Variants in MMP24 observed in about 807,000 individuals in gnomAD.
MMP24 encodes matrix metalloproteinase-24.
A neutral mutation model predicts 62.8 loss-of-function variants in MMP24; 25 were observed. The ratio of observed to expected loss-of-function variants is 0.40; its 90% CI spans 0.29 to 0.56. The LOEUF (loss-of-function observed/expected upper bound fraction) is 0.56. Ranked by LOEUF, MMP24 falls within the 20% of genes least tolerant of loss-of-function variation. MMP24 has a pLI of 0.50. For synonymous variants in MMP24, 319 were observed against 350.5 expected (o/e 0.91, Z 1.00); for missense variants, 634 against 853.6 (o/e 0.74, Z 3.21).
chr20:35,239,793 C>A (rs2060480574), intron 1 of MMP24, among the ~76,000 whole-genome samples: 1 of 151,974 alleles, frequency 6.6e-6, no homozygotes, highest in African/African-American at 2.4e-5. Context: ...AGAGCGAGAC[C>A]CTGTCTCAAA....
chr20:35,244,451 G>C (rs1443053428), intron 1 of MMP24, among the ~76,000 whole-genome samples: 1 of 151,910 alleles, frequency 6.6e-6, no homozygotes, highest in Non-Finnish European at 1.5e-5. Flanking sequence ...TTTTTTGTTT[G>C]TTTTTTGAGA....
At chr20:35,230,530 C>T (rs1234003753) in intron 1 of MMP24, among the ~76,000 whole-genome samples, 2 of 152,218 alleles carry the variant, frequency 1.3e-5, no homozygotes, top group African/African-American at 4.8e-5. Context: ...CCTTCTAAAA[C>T]CCTTCTTAGA....
chr20:35,260,921 G>A (rs2060599309), intron 4 of MMP24, among the ~76,000 whole-genome samples: 1 of 152,312 alleles, frequency 6.6e-6, no homozygotes, highest in East Asian at 1.9e-4. Context: ...AGTGACGCTG[G>A]GGCCAGAGTG....
At chr20:35,242,649 T>G (rs2060494533) in intron 1 of MMP24, among the ~76,000 whole-genome samples, 1 of 152,226 alleles carries the variant, frequency 6.6e-6, no homozygotes, top group Admixed American at 6.5e-5. Flanking sequence ...CTAAGAAAGT[T>G]GAGTGAGAAG....
chr20:35,271,735 C>T lies in MMP24; in HGVS notation c.1500C>T (p.Ser500=), dbSNP rs200255002. The T allele has an allele frequency of 1.5e-4, 243 of 1,605,260 alleles. No individual in the cohort carries two copies. The East Asian group carries it at 4.7e-3, about 31-fold the overall frequency. Residue 500 remains serine, a synonymous_variant, in exon 8 of 9, where the codon AGC becomes AGT. Transcript: ENST00000246186. The surrounding 1 kb of genome is among the most constrained non-coding windows in gnomAD (Gnocchi z 4.0). ...FFKGERYWRY[S]EERRATDPGY... ...AAGGCGAGCGGTACTGGCGCTACAG[C>T]GAGGAGCGGCGGGCCACGGACCCTG...
chr20:35,264,979 G>C (rs969532045), intron 5 of MMP24, among the ~76,000 whole-genome samples: 5 of 152,184 alleles, frequency 3.3e-5, no homozygotes, highest in African/African-American at 7.2e-5. Flanking sequence ...GACCCAGCCA[G>C]AGCCCTGGAG....
intron 2 of MMP24, among the ~76,000 whole-genome samples, chr20:35,247,363 G>C (rs1489646640): frequency 6.6e-6 from 1 of 152,206 alleles, no homozygotes; most frequent in Non-Finnish European, 1.5e-5. Context: ...GAAAACGCTT[G>C]AATGATAATG....
At chr20:35,253,671 A>C (rs2060560188) in intron 3 of MMP24, among the ~76,000 whole-genome samples, 1 of 152,202 alleles carries the variant, frequency 6.6e-6, no homozygotes, top group Admixed American at 6.5e-5. Context: ...AGCTAAACCT[A>C]TAATGGATTA....
intron 5 of MMP24, among the ~76,000 whole-genome samples, chr20:35,265,882 G>A (rs1317807067): frequency 6.6e-6 from 1 of 152,002 alleles, no homozygotes; most frequent in Non-Finnish European, 1.5e-5. Flanking sequence ...CATCATCACA[G>A]AACACTCTAC....
In MMP24 at chr20:35,276,118, C is replaced by A; in HGVS notation, c.*1509C>A. The stretch of plus-strand genomic sequence containing the variant: ...CTCACTGAGCCTGCATGGGCCTTGC[C>A]CCCGACCCTGTGGTCTCTGGGATTG... On this transcript the variant is annotated 3_prime_UTR_variant, in exon 9 of 9. Coordinates refer to ENST00000246186, the MANE Select transcript of MMP24 (RefSeq NM_006690.4). 5.0e-6 allele frequency: 2 copies of A among 398,714 alleles called. No homozygotes were observed. The highest frequency in any genetic ancestry group is 8.8e-6 in the Non-Finnish European group (2 of 226,126). The allele number at this position is 398,714 out of a possible 1,614,324, so 24.7% of individuals were successfully genotyped here. A position where few individuals can be genotyped will look rare whatever the true frequency, so the allele number is the denominator to read the frequency against.
At chr20:35,248,480 G>A (rs1011497872) in intron 2 of MMP24, among the ~76,000 whole-genome samples, 1 of 151,678 alleles carries the variant, frequency 6.6e-6, no homozygotes, top group African/African-American at 2.4e-5. Flanking sequence ...AATTTTTTTT[G>A]TATTTTTAGT....
At chr20:35,239,796 G>C (rs1376953575) in intron 1 of MMP24, among the ~76,000 whole-genome samples, 1 of 151,992 alleles carries the variant, frequency 6.6e-6, no homozygotes, top group Non-Finnish European at 1.5e-5. Context: ...GCGAGACCCT[G>C]TCTCAAAAAA....
intron 3 of MMP24, 60 bp from the exon 4 acceptor site, chr20:35,254,390 T>A: frequency 6.8e-7 from 1 of 1,466,454 alleles, no homozygotes; most frequent in East Asian, 2.3e-5. Flanking sequence ...GGTATCTATT[T>A]TAGCTCTGCT....
intron 6 of MMP24, 79 bp downstream of exon 6, chr20:35,267,498 G>C: frequency 2.8e-6 from 4 of 1,414,834 alleles, no homozygotes; most frequent in South Asian, 2.6e-5. Context: ...GCTGGGGAAG[G>C]CTCCTGATTT....
Position 35,269,929 on chromosome 20 carries a change from C to A in MMP24, c.1333+31C>A. Reference sequence around the variant, plus strand: ...GTAGACTGTGCTGTGGGACAGTTCCCTGCCCAAGGTCTTGGGACCTCCTTT... The same window carrying A: ...GTAGACTGTGCTGTGGGACAGTTCCATGCCCAAGGTCTTGGGACCTCCTTT... On this transcript the variant is annotated intron_variant, in intron 7 of 8. Coordinates refer to ENST00000246186, the MANE Select transcript of MMP24 (RefSeq NM_006690.4). The surrounding 1 kb of genome is among the most constrained non-coding windows in gnomAD (Gnocchi z 4.6). 6.4e-7 allele frequency: 1 copy of A among 1,551,264 alleles called. No individual in the cohort carries two copies. The highest frequency in any genetic ancestry group is 1.2e-5 in the South Asian group (1 of 84,028).
At chr20:35,250,142 T>C (rs1645181686) in intron 2 of MMP24, among the ~76,000 whole-genome samples, 1 of 151,948 alleles carries the variant, frequency 6.6e-6, no homozygotes, top group Admixed American at 6.6e-5. Context: ...TTAGTAGAGA[T>C]AGGGTTTTGC....
intron 1 of MMP24, among the ~76,000 whole-genome samples, chr20:35,233,841 T>C (rs1179529367): frequency 1.3e-5 from 2 of 152,064 alleles, no homozygotes; most frequent in Admixed American, 6.6e-5. Context: ...AAAGAGTAGC[T>C]GGGTGTGGTG....
rs1413762964 is a variant in MMP24, at chr20:35,247,000, A to G, written c.395+12A>G. ...CAGACAACGATCGAGTAAGATTTCC[A>G]TAGGACATTGTGCCTTTGAACTTTC... On this transcript the variant is annotated intron_variant, in intron 2 of 8. Coordinates refer to ENST00000246186, the MANE Select transcript of MMP24 (RefSeq NM_006690.4). The G allele has an allele frequency of 6.2e-7, 1 of 1,613,960 alleles. No individual in the cohort carries two copies.
chr20:35,257,490 GT>G (rs1568616664), intron 4 of MMP24, among the ~76,000 whole-genome samples: 1 of 152,194 alleles, frequency 6.6e-6, no homozygotes. Context: ...AGCTGATAGG[GT>G]TTTAGTTATA....
Sources: allele counts gnomAD v4.1 joint callset (sites outside exome capture counted in the v4.1 genomes callset), GRCh38; gene constraint gnomAD v4.1.1; non-coding constraint Gnocchi (gnomAD v3.1); transcripts MANE v1.5; gene names NCBI Gene and HGNC (gene_info 2026-07-23, HGNC 2026-07-21).